The following GPRIN3 variants were observed in gnomAD, a reference collection of about 807,000 sequenced individuals.
The protein encoded by GPRIN3 is G protein-regulated inducer of neurite outgrowth 3.
A neutral mutation model predicts 13.7 loss-of-function variants in GPRIN3; 12 were observed. The ratio of observed to expected loss-of-function variants is 0.87; its 90% CI spans 0.56 to 1.42. GPRIN3 has a LOEUF of 1.42. GPRIN3 is among the 40% of genes most tolerant of loss of function. The probability of loss-of-function intolerance (pLI) is 0.00; values close to 1 mark genes in which losing one functional copy is unlikely to be tolerated. For synonymous variants in GPRIN3, 377 were observed against 372.7 expected (o/e 1.01, Z -0.13); for missense variants, 1,009 against 958.7 (o/e 1.05, Z -0.69).
intron 1 of GPRIN3, among the ~76,000 whole-genome samples, chr4:89,276,601 T>A (rs1190814520): frequency 6.6e-6 from 1 of 152,160 alleles, no homozygotes; most frequent in African/African-American, 2.4e-5. Flanking sequence ...TCACCTGAAA[T>A]CCTTGAAAGG....
rs1209245124 is a variant in GPRIN3, at chr4:89,245,140, C to A, written c.*2640G>T. On this transcript the variant is annotated 3_prime_UTR_variant, in exon 2 of 2. Transcript: ENST00000609438. ...TGAGAGTAACTTAGGGGAGGTATCA[C>A]AATACAAAAATGCTGCTGTCTTGAA... The A allele has an allele frequency of 6.6e-6, 1 of 152,162 alleles. No homozygotes were observed. The highest frequency in any genetic ancestry group is 2.4e-5 in the African/African-American group (1 of 41,442). The allele number at this position is 152,162 out of a possible 1,614,324, so 9.4% of individuals were successfully genotyped here.
chr4:89,248,907 T>C lies in GPRIN3; in HGVS notation c.1204A>G (p.Thr402Ala), dbSNP rs1169878180. The change falls in exon 2 of 2, where the codon ACA (threonine) becomes GCA (alanine). Residue 402 changes from threonine (T) to alanine (A), a missense_variant. Coordinates refer to ENST00000609438, the MANE Select transcript of GPRIN3 (RefSeq NM_198281.3). ...VHIQAAAAES[T>A]AFQRENKLAS... Reference sequence around the variant, plus strand: ...AGTTTATTTTCCCGTTGGAAAGCTGTAGACTCAGCTGCAGCTGCCTGAATG... The same window carrying C: ...AGTTTATTTTCCCGTTGGAAAGCTGCAGACTCAGCTGCAGCTGCCTGAATG... 8.1e-6 allele frequency: 13 copies of C among 1,614,054 alleles called. No individual in the cohort carries two copies. The African/African-American group carries it at 1.1e-4, about 13-fold the overall frequency.
chr4:89,258,140 G>C (rs529103631), intron 1 of GPRIN3, among the ~76,000 whole-genome samples: 2 of 151,484 alleles, frequency 1.3e-5, no homozygotes, highest in Admixed American at 1.3e-4. Context: ...AGTATCAAAA[G>C]AAAAGCATAT....
intron 1 of GPRIN3, among the ~76,000 whole-genome samples, chr4:89,265,122 T>C (rs908744982): frequency 2.6e-5 from 4 of 152,192 alleles, no homozygotes; most frequent in Non-Finnish European, 5.9e-5. Context: ...AGGACATATA[T>C]AGGTGAGGTA....
chr4:89,301,392 C>T (rs945495267), intron 1 of GPRIN3, among the ~76,000 whole-genome samples: 1 of 152,142 alleles, frequency 6.6e-6, no homozygotes, highest in Non-Finnish European at 1.5e-5. Context: ...GACACAGAGG[C>T]AATGCAAAAG....
At chr4:89,275,961 T>G (rs1003446448) in intron 1 of GPRIN3, among the ~76,000 whole-genome samples, 4 of 152,230 alleles carry the variant, frequency 2.6e-5, no homozygotes, top group Non-Finnish European at 4.4e-5. Context: ...ACAATTAACC[T>G]AGGCCAGGCC....
chr4:89,249,581 A>AC lies in GPRIN3; in HGVS notation c.529dup (p.Val177GlyfsTer4). 6.2e-7 allele frequency: 1 copy of AC among 1,613,982 alleles called. No individual in the cohort carries two copies. Among genetic ancestry groups the AC allele is most frequent in the Non-Finnish European group, 8.5e-7 (1 of 1,179,988 alleles). On this transcript the variant is annotated frameshift_variant, in exon 2 of 2. Coordinates refer to ENST00000609438, the MANE Select transcript of GPRIN3 (RefSeq NM_198281.3). LOFTEE classifies it low-confidence loss of function (END_TRUNC). ...CACCTGATCTTTGCTGCTACTGAGG[A>AC]CGCCTCCCACAGGACAACTTGGTTT...
chr4:89,274,492 C>T (rs552836308), intron 1 of GPRIN3, among the ~76,000 whole-genome samples: 136 of 152,114 alleles, frequency 8.9e-4, no homozygotes, highest in African/African-American at 2.9e-3. Flanking sequence ...GATATTTGCA[C>T]GGACTGGACA....
chr4:89,251,267 C>T (rs752163407), intron 1 of GPRIN3: 1 of 152,132 alleles, frequency 6.6e-6, no homozygotes, highest in Non-Finnish European at 1.5e-5. Context: ...TGCAATTTGA[C>T]TTCACACCAG....
At chr4:89,292,676 A>G (rs1724607459) in intron 1 of GPRIN3, among the ~76,000 whole-genome samples, 1 of 152,248 alleles carries the variant, frequency 6.6e-6, no homozygotes, top group African/African-American at 2.4e-5. Context: ...ATTGATGGTT[A>G]TAGCATCTGG....
At chr4:89,277,121 C>T (rs1045588207) in intron 1 of GPRIN3, among the ~76,000 whole-genome samples, 39 of 152,042 alleles carry the variant, frequency 2.6e-4, no homozygotes, top group East Asian at 9.6e-4. Context: ...TAAAGTTGGA[C>T]GGTGCTGTGG....
chr4:89,295,974 T>A (rs138690907), intron 1 of GPRIN3, among the ~76,000 whole-genome samples: 51 of 152,340 alleles, frequency 3.3e-4, no homozygotes, highest in African/African-American at 1.2e-3. Flanking sequence ...TTTTGTAGCA[T>A]ATATTTTTAA....
intron 1 of GPRIN3, among the ~76,000 whole-genome samples, chr4:89,258,956 A>G (rs1474614094): frequency 6.6e-6 from 1 of 152,254 alleles, no homozygotes; most frequent in Non-Finnish European, 1.5e-5. Flanking sequence ...CATGCTGCTT[A>G]GAATATAATA....
chr4:89,260,941 C>A lies in GPRIN3; in HGVS notation c.-123-10708G>T, dbSNP rs191014736. 4.7e-3 allele frequency among the ~76,000 whole-genome samples: 712 copies of A among 152,234 alleles called. 7 individuals carry two copies. The highest frequency in any genetic ancestry group is 0.016 in the African/African-American group (677 of 41,542). ...TCAGTATACAAATATAAATAAGACA[C>A]ACTTATGTCTCTGAGGAGCTCACAC... On this transcript the variant is annotated intron_variant, in intron 1 of 1. Coordinates refer to ENST00000609438, the MANE Select transcript of GPRIN3 (RefSeq NM_198281.3).
chr4:89,270,405 T>C (rs1280444913), intron 1 of GPRIN3, among the ~76,000 whole-genome samples: 1 of 151,484 alleles, frequency 6.6e-6, no homozygotes, highest in Non-Finnish European at 1.5e-5. Context: ...CAGACAAATG[T>C]ATACCTCTCT....
At chr4:89,280,823 C>T (rs1017864133) in intron 1 of GPRIN3, among the ~76,000 whole-genome samples, 3 of 152,088 alleles carry the variant, frequency 2.0e-5, no homozygotes, top group Non-Finnish European at 4.4e-5. Context: ...AGGAGTGATG[C>T]ATCTATTAAC....
rs1405352066 is a variant in GPRIN3 at position 89,249,939 on chromosome 4, G to C, written c.172C>G (p.Pro58Ala). 1 of 1,614,224 alleles carries C rather than the reference G, an allele frequency of 6.2e-7. No individual in the cohort carries two copies. Among genetic ancestry groups the C allele is most frequent in the Non-Finnish European group, 8.5e-7 (1 of 1,180,034 alleles). ...ATCAGGGCTTCGGCAGCTGCCCTGG[G>C]GCTGAGGTCTGGTTCTGCAGGGGCA... Reference protein sequence around the residue: ...SGAPAEPDLSPRAAAEALMQV... With the variant: ...SGAPAEPDLSARAAAEALMQV... Residue 58 changes from proline (P) to alanine (A), a missense_variant, in exon 2 of 2, where the codon CCC becomes GCC. By Grantham distance (27) the Pro-to-Ala change is conservative. Transcript: ENST00000609438.
chr4:89,249,539 G>T lies in GPRIN3; in HGVS notation c.572C>A (p.Ser191Tyr). 6.2e-7 allele frequency: 1 copy of T among 1,614,198 alleles called. No individual in the cohort carries two copies. The highest frequency in any genetic ancestry group is 8.5e-7 in the Non-Finnish European group (1 of 1,180,030). Residue 191 changes from serine (S) to tyrosine (Y), a missense_variant, in exon 2 of 2, where the codon TCT (serine) becomes TAT (tyrosine). Coordinates refer to ENST00000609438, the MANE Select transcript of GPRIN3 (RefSeq NM_198281.3). ...CACTGTTCCCTGGATTGTTTCTGGAGAAGGAAACTCACAGGACACCTGATC... is the reference window on the plus strand; with the variant it reads ...CACTGTTCCCTGGATTGTTTCTGGATAAGGAAACTCACAGGACACCTGATC... ...SKDQVSCEFP[S>Y]PETIQGTVQT...
intron 1 of GPRIN3, among the ~76,000 whole-genome samples, chr4:89,276,369 A>C (rs753126953): frequency 1.3e-5 from 2 of 152,142 alleles, no homozygotes; most frequent in Non-Finnish European, 2.9e-5. Flanking sequence ...TTTTAATGGA[A>C]TCTTTCTTAA....
Sources: allele counts gnomAD v4.1 joint callset (sites outside exome capture counted in the v4.1 genomes callset), GRCh38; gene constraint gnomAD v4.1.1; transcripts MANE v1.5; gene names NCBI Gene and HGNC (gene_info 2026-07-23, HGNC 2026-07-21).